Variants in CBL observed in about 807,000 individuals in gnomAD.
CBL encodes E3 ubiquitin-protein ligase CBL.
In CBL, 45 loss-of-function variants were observed where a neutral mutation model predicts 96.9. That is an observed-to-expected ratio of 0.46 (90% CI 0.37 to 0.60). CBL has a LOEUF of 0.60. Among genes scored for constraint, CBL ranks in the 20% least tolerant of loss-of-function variants. CBL has a pLI of 0.00. For missense variants in CBL, 1,024 were observed against 1,143.5 expected (o/e 0.90, Z 1.51); for synonymous variants, 420 against 426.8 (o/e 0.98, Z 0.20).
chr11:119,280,015 C>T (rs1402621351), intron 9 of CBL, among the ~76,000 whole-genome samples: 2 of 152,076 alleles, frequency 1.3e-5, no homozygotes, highest in Non-Finnish European at 2.9e-5. Flanking sequence ...CACTATAAGT[C>T]GGATAGGAGT....
At chr11:119,233,309 G>A (rs1949519005) in intron 2 of CBL, among the ~76,000 whole-genome samples, 1 of 152,038 alleles carries the variant, frequency 6.6e-6, no homozygotes, top group Non-Finnish European at 1.5e-5. Context: ...GGAGTGCAGT[G>A]GTGCGATCTC....
intron 4 of CBL, 79 bp from the exon 5 acceptor site, chr11:119,274,753 G>A: frequency 9.2e-7 from 1 of 1,081,692 alleles, no homozygotes; most frequent in South Asian, 1.5e-5. Context: ...AGTTGGTGTT[G>A]TTTTTTTTTT....
chr11:119,270,434 ATATTTTTT>A (rs1260713703), intron 2 of CBL, among the ~76,000 whole-genome samples: 3 of 41,546 alleles, frequency 7.2e-5, no homozygotes, highest in African/African-American at 2.1e-4. Context: ...ATATATATAT[ATATTTTTT>A]TTTTTTTTTT....
chr11:119,222,006 T>G (rs1326148844), intron 1 of CBL, among the ~76,000 whole-genome samples: 5 of 152,198 alleles, frequency 3.3e-5, no homozygotes, highest in Non-Finnish European at 5.9e-5. Flanking sequence ...TCCTCTCTTC[T>G]TGACAGGAGG....
chr11:119,297,763 A>C (rs1273554464), intron 14 of CBL, among the ~76,000 whole-genome samples: 1 of 152,188 alleles, frequency 6.6e-6, no homozygotes, highest in African/African-American at 2.4e-5. Context: ...GCTGAAAATT[A>C]TTTTCAGTAA....
chr11:119,237,781 C>T (rs980531467), intron 2 of CBL, among the ~76,000 whole-genome samples: 1 of 152,224 alleles, frequency 6.6e-6, no homozygotes, highest in Non-Finnish European at 1.5e-5. Flanking sequence ...ATCTTGATTA[C>T]TGTAGCTTTG....
At chr11:119,219,478 T>A (rs924270013) in intron 1 of CBL, among the ~76,000 whole-genome samples, 2 of 151,844 alleles carry the variant, frequency 1.3e-5, no homozygotes, top group African/African-American at 4.8e-5. Context: ...GGAGAAGGTG[T>A]TAAATTTGTG....
rs1950089209 is a variant in CBL at position 119,299,798 on chromosome 11, T to C, written c.*17T>C. On this transcript the variant is annotated 3_prime_UTR_variant, in exon 16 of 16. Coordinates refer to ENST00000264033, the MANE Select transcript of CBL (RefSeq NM_005188.4). ...GCTACCTAGCACACCATCTCCCTGC[T>C]GCAGGTTTAGAGGACCAGTGAGTTG... The C allele has an allele frequency of 6.2e-7, 1 of 1,613,200 alleles. No individual in the cohort carries two copies. Among genetic ancestry groups the C allele is most frequent in the Non-Finnish European group, 8.5e-7 (1 of 1,179,848 alleles).
chr11:119,268,169 A>G (rs1949818063), intron 2 of CBL, among the ~76,000 whole-genome samples: 1 of 152,168 alleles, frequency 6.6e-6, no homozygotes, highest in African/African-American at 2.4e-5. Context: ...GTGAAAATTG[A>G]TTGTTTATTT....
chr11:119,253,450 C>CA lies in CBL; in HGVS notation c.444-18268dup, dbSNP rs66912490. Among the ~76,000 whole-genome samples the CA allele has an allele frequency of 7.4e-3, 628 of 84,994 alleles. 5 individuals carry two copies. Among genetic ancestry groups the CA allele is most frequent in the Non-Finnish European group, 0.011 (486 of 44,410 alleles). The allele number at this position is 84,994 out of a possible 152,430, so 55.8% of individuals were successfully genotyped here. ...TGCTCAATATAGCAAGACCTCATCTCAAAAAAAAAAAAAAAAAGTCATTGA... is the reference window on the plus strand; with the variant it reads ...TGCTCAATATAGCAAGACCTCATCTCAAAAAAAAAAAAAAAAAAGTCATTGA... On this transcript the variant is annotated intron_variant, in intron 2 of 15. Coordinates refer to ENST00000264033, the MANE Select transcript of CBL (RefSeq NM_005188.4).
At chr11:119,291,759 C>G (rs971570201) in intron 12 of CBL, among the ~76,000 whole-genome samples, 2 of 152,226 alleles carry the variant, frequency 1.3e-5, no homozygotes, top group Non-Finnish European at 2.9e-5. Context: ...ATTTTCCTAG[C>G]TGCCTACAAA....
intron 2 of CBL, among the ~76,000 whole-genome samples, chr11:119,263,079 A>G (rs986173297): frequency 1.3e-5 from 2 of 152,222 alleles, no homozygotes; most frequent in Non-Finnish European, 2.9e-5. Flanking sequence ...TATTTAGCTT[A>G]GTAAAGCATC....
intron 1 of CBL, among the ~76,000 whole-genome samples, chr11:119,220,904 C>CT (rs141599031): frequency 0.057 from 8,562 of 149,280 alleles, 798 homozygotes; most frequent in African/African-American, 0.19. Context: ...AGTGATGACA[C>CT]TTTTTTTTTT....
intron 3 of CBL, among the ~76,000 whole-genome samples, chr11:119,273,118 G>T (rs1299161093): frequency 6.6e-6 from 1 of 152,012 alleles, no homozygotes; most frequent in Non-Finnish European, 1.5e-5. Flanking sequence ...ACACGTGTGT[G>T]CTGCCAGGCC....
intron 9 of CBL, among the ~76,000 whole-genome samples, chr11:119,280,477 G>A (rs1047772178): frequency 6.6e-5 from 10 of 152,176 alleles, no homozygotes; most frequent in African/African-American, 2.2e-4. Flanking sequence ...AATCACTCTT[G>A]AAGGTATGGA....
intron 1 of CBL, among the ~76,000 whole-genome samples, chr11:119,229,627 C>A (rs1007019292): frequency 6.0e-5 from 9 of 151,248 alleles, no homozygotes; most frequent in East Asian, 3.9e-4. Context: ...ACAACAACAA[C>A]AAAAAACAAA....
rs1949974451 is a variant in CBL, at chr11:119,285,324, T to A, written c.1699T>A (p.Cys567Ser). ...ESRPQRRPLPCTPGDCPSRDK... is the reference protein window; with the variant it reads ...ESRPQRRPLPSTPGDCPSRDK... ...CCGACCTCAAAGACGCCCCTTGCCT[T>A]GTACACCAGGCGACTGTCCCTCCAG... is the stretch of plus-strand genomic sequence containing the variant. The change falls in exon 11 of 16, where the codon TGT (cysteine) becomes AGT (serine). Residue 567 changes from cysteine (C) to serine (S), a missense_variant. Transcript: ENST00000264033. 3 of 1,614,042 alleles carry A rather than the reference T, an allele frequency of 1.9e-6. No homozygotes were observed. In the Admixed American group the frequency reaches 5.0e-5, roughly 27 times the overall value.
rs1950121621 is a variant in CBL, at chr11:119,304,503, C to T, written c.*4722C>T. ...GGAACTGCAGAGCTTTGCACCTAGT[C>T]CTTTCTCCCGCTTCACAGTCTGCTT... On this transcript the variant is annotated 3_prime_UTR_variant, in exon 16 of 16. Coordinates refer to ENST00000264033, the MANE Select transcript of CBL (RefSeq NM_005188.4). 4.3e-6 allele frequency: 1 copy of T among 233,114 alleles called. No homozygotes were observed. The highest frequency in any genetic ancestry group is 8.5e-6 in the Non-Finnish European group (1 of 118,054). The allele number at this position is 233,114 out of a possible 1,614,324, so 14.4% of individuals were successfully genotyped here.
chr11:119,277,659 C>T, intron 6 of CBL, 98 bp from the exon 7 acceptor site: 1 of 786,308 alleles, frequency 1.3e-6, no homozygotes, highest in South Asian at 1.4e-5. Flanking sequence ...ACCACGTTGC[C>T]CTTTTAGAAT....
Sources: allele counts gnomAD v4.1 joint callset (sites outside exome capture counted in the v4.1 genomes callset), GRCh38; gene constraint gnomAD v4.1.1; transcripts MANE v1.5; gene names NCBI Gene and HGNC (gene_info 2026-07-23, HGNC 2026-07-21).